The following ITGA5 variants were observed in gnomAD, a reference collection of about 807,000 sequenced individuals.
ITGA5 encodes the protein integrin subunit alpha 5.
In ITGA5, 55 loss-of-function variants were observed where a neutral mutation model predicts 146.3. The ratio of observed to expected loss-of-function variants is 0.38; its 90% confidence interval spans 0.30 to 0.47. The LOEUF is 0.47. Ranked by LOEUF, ITGA5 falls within the 20% of genes least tolerant of loss-of-function variation. The pLI is 0.99. For synonymous variants in ITGA5, 500 were observed against 531.8 expected (o/e 0.94, Z 0.82); for missense variants, 1,131 against 1,329.0 (o/e 0.85, Z 2.32).
In ITGA5 at chr12:54,399,564, G is replaced by A; in HGVS notation, c.2841+81C>T. ...GGTCCCATTCACCAAAGGAGAGGTG[G>A]CTACTGCAGTGGAGAAAGGGGTGGG... On this transcript the variant is annotated intron_variant, in intron 27 of 29. Coordinates refer to ENST00000293379, the MANE Select transcript of ITGA5 (RefSeq NM_002205.5). 7 of 947,588 alleles carry A rather than the reference G, an allele frequency of 7.4e-6. No homozygotes were observed. The South Asian group carries it at 7.8e-5, about 11-fold the overall frequency. 58.7% of individuals were successfully genotyped at this position (947,588 alleles called of 1,614,324 possible). A position where few individuals can be genotyped will look rare whatever the true frequency, so the allele number is the denominator to read the frequency against.
chr12:54,412,226 A>G, intron 1 of ITGA5: 1 of 326,346 alleles, frequency 3.1e-6, no homozygotes, highest in Non-Finnish European at 5.6e-6. Flanking sequence ...CCTGTTCATA[A>G]AGAGAGGAGG....
intron 2 of ITGA5, 106 bp downstream of exon 2, chr12:54,411,728 G>T: frequency 1.0e-6 from 1 of 965,950 alleles, no homozygotes; most frequent in Non-Finnish European, 1.4e-6. Context: ...GAGGTCACGT[G>T]GCCGGGGTTC....
At chr12:54,399,524 G>T (rs897220426) in intron 27 of ITGA5, 121 bp downstream of exon 27, 19 of 711,524 alleles carry the variant, frequency 2.7e-5, no homozygotes, top group Non-Finnish European at 4.8e-5. Context: ...GCAAGGAAGG[G>T]GAGCTGGAGT....
Position 54,401,697 on chromosome 12 carries a change from A to G in ITGA5, c.2307-32T>C, listed in dbSNP as rs1335922268. 6.2e-7 allele frequency: 1 copy of G among 1,613,010 alleles called. No homozygotes were observed. The highest frequency in any genetic ancestry group is 2.2e-5 in the East Asian group (1 of 44,862). ...GATGGAGGCAAGACTGAGGTGCTGGAGTGCAGCCAGTGAGAATGGCGCCCA... is the reference window on the plus strand; with the variant it reads ...GATGGAGGCAAGACTGAGGTGCTGGGGTGCAGCCAGTGAGAATGGCGCCCA... On this transcript the variant is annotated intron_variant, in intron 22 of 29. Transcript: ENST00000293379. This position sits in a 1 kb window ranked among gnomAD's most constrained non-coding sequence, Gnocchi z 5.0.
intron 9 of ITGA5, 121 bp downstream of exon 9, chr12:54,407,528 C>T (rs962187057): frequency 3.8e-6 from 3 of 792,334 alleles, no homozygotes; most frequent in Non-Finnish European, 4.5e-6. Context: ...AACTTGAATG[C>T]CAGTCTGCCT....
intron 13 of ITGA5, 75 bp downstream of exon 13, chr12:54,404,623 TAAGGA>T (rs1327337375): frequency 6.7e-7 from 1 of 1,496,432 alleles, no homozygotes; most frequent in East Asian, 2.3e-5. Flanking sequence ...CCCAGGAACT[TAAGGA>T]AAGGTGCAGA....
In ITGA5 at chr12:54,398,753, AG is replaced by A. The variant is rs1006654322; in HGVS notation, c.2842-56del. 1.0e-5 allele frequency: 12 copies of A among 1,170,680 alleles called. No individual in the cohort carries two copies. In the African/African-American group the frequency reaches 1.8e-4, roughly 17 times the overall value. The allele number at this position is 1,170,680 out of a possible 1,614,324, so 72.5% of individuals were successfully genotyped here. On this transcript the variant is annotated intron_variant, in intron 27 of 29. Transcript: ENST00000293379. ...TCCTCTCTTGGGATCCAGAGGACAT[AG>A]GGTTCCCCATCGTCTGGCTGGGGTT...
rs1419311221 is a variant in ITGA5, at chr12:54,403,128, G to GC, written c.1914+58dup. ...TAGGCTCTTCTCTTTCCATGGCCCT[G>GC]CCCCCCCAATACCCAGGCCTCTGTC... On this transcript the variant is annotated intron_variant, in intron 18 of 29. Transcript: ENST00000293379. The surrounding 1 kb of genome is among the most constrained non-coding windows in gnomAD (Gnocchi z 4.9). The GC allele has an allele frequency of 3.1e-5, 49 of 1,599,894 alleles. No homozygotes were observed. The highest frequency in any genetic ancestry group is 3.5e-5 in the Admixed American group (2 of 57,880).
intron 19 of ITGA5, 115 bp from the exon 20 acceptor site, chr12:54,402,445 C>T (rs889969308): frequency 1.0e-6 from 1 of 965,168 alleles, no homozygotes; most frequent in Non-Finnish European, 1.5e-6. Context: ...ACCTGTAATC[C>T]CAGCACTTTG....
chr12:54,396,286 G>A lies in ITGA5; in HGVS notation c.*7C>T, dbSNP rs1262980749. The A allele has an allele frequency of 6.2e-7, 1 of 1,608,474 alleles. No individual in the cohort carries two copies. Among genetic ancestry groups the A allele is most frequent in the African/African-American group, 1.3e-5 (1 of 74,774 alleles). ...CTTCAGGAATGGGAGTCTGAAATTG[G>A]GAGGACTCAGGCATCAGAGGTGGCT... On this transcript the variant is annotated 3_prime_UTR_variant, in exon 30 of 30. Transcript: ENST00000293379.
intron 7 of ITGA5, 47 bp downstream of exon 7, chr12:54,408,063 C>T: frequency 1.2e-6 from 2 of 1,610,732 alleles, no homozygotes; most frequent in Admixed American, 3.3e-5. Context: ...GGGACAGGAG[C>T]ACTTGAGGTT....
rs1219254298 is a variant in ITGA5, at chr12:54,411,788, G to A, written c.349+46C>T. 2.8e-6 allele frequency: 4 copies of A among 1,418,932 alleles called. No individual in the cohort carries two copies. The African/African-American group carries it at 5.9e-5, about 21-fold the overall frequency. The allele number at this position is 1,418,932 out of a possible 1,614,324, so 87.9% of individuals were successfully genotyped here. A position where few individuals can be genotyped will look rare whatever the true frequency, so the allele number is the denominator to read the frequency against. Reference sequence around the variant, plus strand: ...GGCCCCACCCAGGCCTTGCCCCCAGGCTGCAGTCCCACCCCCCAGTCCCTC... The same window carrying A: ...GGCCCCACCCAGGCCTTGCCCCCAGACTGCAGTCCCACCCCCCAGTCCCTC... On this transcript the variant is annotated intron_variant, in intron 2 of 29. Transcript: ENST00000293379.
intron 1 of ITGA5, among the ~76,000 whole-genome samples, chr12:54,413,901 C>CTAT (rs1955975682): frequency 6.6e-6 from 1 of 152,254 alleles, no homozygotes; most frequent in Non-Finnish European, 1.5e-5. Context: ...CCAAGGGACC[C>CTAT]TATTCCTGCT....
Position 54,403,134 on chromosome 12 carries a change from C to G in ITGA5, c.1914+53G>C, listed in dbSNP as rs752492010. ...CTTCTCTTTCCATGGCCCTGCCCCC[C>G]CAATACCCAGGCCTCTGTCTTCCCA... On this transcript the variant is annotated intron_variant, in intron 18 of 29. Transcript: ENST00000293379. The surrounding 1 kb of genome is among the most constrained non-coding windows in gnomAD (Gnocchi z 4.9). The G allele has an allele frequency of 1.4e-5, 22 of 1,596,892 alleles. No individual in the cohort carries two copies. The highest frequency in any genetic ancestry group is 3.4e-5 in the South Asian group (3 of 88,820).
chr12:54,411,966 T>C lies in ITGA5; in HGVS notation c.219-2A>G. 6.3e-7 allele frequency: 1 copy of C among 1,579,132 alleles called. No individual in the cohort carries two copies. The highest frequency in any genetic ancestry group is 8.6e-7 in the Non-Finnish European group (1 of 1,164,438). ...GGTGCTCCCACCAGCACACTGACCC[T>C]GTGGGGGGGAAAAGCGAGGCAGTTG... On this transcript the variant is annotated splice_acceptor_variant, in intron 1 of 29. Transcript: ENST00000293379. LOFTEE classifies it high-confidence loss of function.
chr12:54,398,545 C>T (rs1955743048), intron 28 of ITGA5, 52 bp downstream of exon 28: 3 of 1,339,820 alleles, frequency 2.2e-6, no homozygotes, highest in African/African-American at 1.5e-5. Context: ...AGCCCTGTTC[C>T]AGCACTCTGA....
chr12:54,409,618 G>T lies in ITGA5; in HGVS notation c.350-21C>A, dbSNP rs751268392. 6 of 1,521,192 alleles carry T rather than the reference G, an allele frequency of 3.9e-6. No individual in the cohort carries two copies. The African/African-American group carries it at 6.8e-5, about 17-fold the overall frequency. The allele number at this position is 1,521,192 out of a possible 1,614,324, so 94.2% of individuals were successfully genotyped here. On this transcript the variant is annotated intron_variant, in intron 2 of 29. Coordinates refer to ENST00000293379, the MANE Select transcript of ITGA5 (RefSeq NM_002205.5). The surrounding 1 kb of genome is among the most constrained non-coding windows in gnomAD (Gnocchi z 4.7). ...AGAGCCTTGTGGAAGTGAGAAGGGGGAGTCTTACTGAGCCATGGACATTTG... is the reference window on the plus strand; with the variant it reads ...AGAGCCTTGTGGAAGTGAGAAGGGGTAGTCTTACTGAGCCATGGACATTTG...
At chr12:54,410,316 C>T (rs1371401223) in intron 2 of ITGA5, among the ~76,000 whole-genome samples, 8 of 148,778 alleles carry the variant, frequency 5.4e-5, no homozygotes, top group African/African-American at 2.0e-4. Context: ...TATACTTGGA[C>T]TGTGTCTCTA....
Position 54,401,624 on chromosome 12 carries a change from C to A in ITGA5, c.2348G>T (p.Arg783Leu), listed in dbSNP as rs369973451. The A allele has an allele frequency of 4.3e-6, 7 of 1,614,020 alleles. No individual in the cohort carries two copies. The highest frequency in any genetic ancestry group is 3.3e-5 in the Admixed American group (2 of 60,002). The change falls in exon 23 of 30, where the codon CGG (arginine) becomes CTG (leucine). Residue 783 changes from arginine to leucine, a missense_variant. Coordinates refer to ENST00000293379, the MANE Select transcript of ITGA5 (RefSeq NM_002205.5). This position sits in a 1 kb window ranked among gnomAD's most constrained non-coding sequence, Gnocchi z 5.0. ...CTGGGCCTGAGCCTCCACGGAGAGC[C>A]GAAAGGAAACCACGTCGCTTTGCGA... ...NNSQSDVVSF[R>L]LSVEAQAQVT...
Sources: allele counts gnomAD v4.1 joint callset (sites outside exome capture counted in the v4.1 genomes callset), GRCh38; gene constraint gnomAD v4.1.1; non-coding constraint Gnocchi (gnomAD v3.1); transcripts MANE v1.5; gene names NCBI Gene and HGNC (gene_info 2026-07-23, HGNC 2026-07-21).